OSBPL10: variants seen among roughly 807,000 people sequenced by gnomAD.
The protein encoded by OSBPL10 is oxysterol binding protein like 10, also known as oxysterol-binding protein-related protein 10.
OSBPL10 carries 49 observed loss-of-function variants against 81.7 expected under a neutral mutation model. That is an observed-to-expected ratio of 0.60 (90% CI 0.48 to 0.76). The LOEUF is 0.76. Ranked by LOEUF, OSBPL10 falls within the 30% of genes least tolerant of loss-of-function variation. OSBPL10 has a pLI of 0.00. For missense variants in OSBPL10, 923 were observed against 987.8 expected (o/e 0.93, Z 0.88); for synonymous variants, 419 against 383.6 (o/e 1.09, Z -1.08).
chr3:31,903,162 C>G (rs983481378), intron 1 of OSBPL10, among the ~76,000 whole-genome samples: 3 of 152,116 alleles, frequency 2.0e-5, no homozygotes, highest in African/African-American at 7.2e-5. Context: ...AAGCACTATT[C>G]TAGGTGCCAG....
intron 4 of OSBPL10, among the ~76,000 whole-genome samples, chr3:31,785,685 C>T (rs1268805882): frequency 6.6e-6 from 1 of 152,100 alleles, no homozygotes; most frequent in Non-Finnish European, 1.5e-5. Flanking sequence ...ACTAGATTGC[C>T]TCGGCATGTT....
intron 1 of OSBPL10, among the ~76,000 whole-genome samples, chr3:31,893,371 A>G (rs2125662622): frequency 1.3e-5 from 2 of 152,350 alleles, no homozygotes; most frequent in Middle Eastern, 6.8e-3. Context: ...ATGAGATTCC[A>G]GTTCACACCC....
chr3:31,931,722 A>G (rs1223416415), intron 1 of OSBPL10, among the ~76,000 whole-genome samples: 1 of 152,262 alleles, frequency 6.6e-6, no homozygotes, highest in Non-Finnish European at 1.5e-5. Context: ...TGTCTTGCAC[A>G]TAGTAAGTAC....
intron 1 of OSBPL10, among the ~76,000 whole-genome samples, chr3:32,076,385 C>G (rs1444159502): frequency 6.6e-6 from 1 of 151,732 alleles, no homozygotes; most frequent in Non-Finnish European, 1.5e-5. Flanking sequence ...AAAAAAGAAT[C>G]CCACCACCCT....
intron 4 of OSBPL10, among the ~76,000 whole-genome samples, chr3:31,783,838 A>G (rs1228937767): frequency 3.6e-5 from 4 of 110,500 alleles, no homozygotes; most frequent in Non-Finnish European, 7.0e-5. Context: ...ATATATATAT[A>G]TATATATATA....
intron 1 of OSBPL10, among the ~76,000 whole-genome samples, chr3:31,882,717 C>G (rs1695619265): frequency 6.6e-6 from 1 of 152,144 alleles, no homozygotes; most frequent in Non-Finnish European, 1.5e-5. Context: ...TACAGCACAA[C>G]TTGGGAGAGC....
chr3:31,709,273 A>C (rs758700958), intron 6 of OSBPL10: 106 of 152,810 alleles, frequency 6.9e-4, no homozygotes, highest in Non-Finnish European at 1.2e-3. Context: ...ATACACACAC[A>C]TTTACCACAC....
chr3:31,779,073 C>T (rs1698619702), intron 4 of OSBPL10, among the ~76,000 whole-genome samples: 1 of 151,968 alleles, frequency 6.6e-6, no homozygotes, highest in Non-Finnish European at 1.5e-5. Flanking sequence ...AGGAGTTCTA[C>T]CTCTTAAAAC....
chr3:31,747,838 G>A (rs1575518528), intron 5 of OSBPL10, 72 bp downstream of exon 5: 3 of 1,449,654 alleles, frequency 2.1e-6, no homozygotes, highest in Non-Finnish European at 2.9e-6. Flanking sequence ...GGAATTAAAG[G>A]AGGAAGACAG....
intron 2 of OSBPL10, among the ~76,000 whole-genome samples, chr3:32,012,149 A>G (rs1430891863): frequency 6.6e-6 from 1 of 152,212 alleles, no homozygotes; most frequent in Non-Finnish European, 1.5e-5. Context: ...TGTCAGATTC[A>G]CCAAAGTTGA....
At chr3:31,685,032 C>T (rs1395706124) in intron 7 of OSBPL10, among the ~76,000 whole-genome samples, 1 of 152,114 alleles carries the variant, frequency 6.6e-6, no homozygotes, top group African/African-American at 2.4e-5. Flanking sequence ...ACCCCAAATG[C>T]CTGTAACCCA....
chr3:31,900,678 T>G lies in OSBPL10; in HGVS notation c.282-20848A>C, dbSNP rs561330403. On this transcript the variant is annotated intron_variant, in intron 1 of 11. Transcript: ENST00000396556. ...TTTGTACTTTTGCCATTCCACTGAT[T>G]GCATCAATGTTAGATTTTCAATTCA... Among the ~76,000 whole-genome samples the G allele has an allele frequency of 2.0e-5, 3 of 152,354 alleles. No individual in the cohort carries two copies. The South Asian group carries it at 6.2e-4, about 32-fold the overall frequency.
intron 8 of OSBPL10, among the ~76,000 whole-genome samples, chr3:31,677,984 G>A (rs1700525392): frequency 1.3e-5 from 2 of 150,530 alleles, no homozygotes; most frequent in Non-Finnish European, 2.9e-5. Flanking sequence ...GGGAGGCTGA[G>A]GCAGGAGAAT....
At chr3:32,058,579 G>A (rs147187561) in intron 1 of OSBPL10, among the ~76,000 whole-genome samples, 3,140 of 152,134 alleles carry the variant, frequency 0.021, 46 homozygotes, top group Middle Eastern at 0.061. Flanking sequence ...CGCCCACCTC[G>A]GCCTCCCAAA....
intron 5 of OSBPL10, among the ~76,000 whole-genome samples, chr3:31,738,016 A>C (rs1323533947): frequency 1.5e-5 from 2 of 136,866 alleles, no homozygotes; most frequent in Non-Finnish European, 3.2e-5. Flanking sequence ...AAAAAAAAGA[A>C]AGACAATACA....
chr3:31,853,330 TC>T (rs1170558156), intron 3 of OSBPL10, among the ~76,000 whole-genome samples: 2 of 152,088 alleles, frequency 1.3e-5, no homozygotes, highest in Non-Finnish European at 2.9e-5. Context: ...TCAGTGTAGT[TC>T]CTGATAACCT....
chr3:31,732,287 T>TTTATA (rs1205673412), intron 6 of OSBPL10, among the ~76,000 whole-genome samples: 1 of 148,942 alleles, frequency 6.7e-6, no homozygotes, highest in African/African-American at 2.6e-5. Flanking sequence ...TAATCTGACT[T>TTTATA]TATAAGAGTT....
At chr3:31,946,489 C>T (rs554451712) in intron 1 of OSBPL10, among the ~76,000 whole-genome samples, 1 of 151,706 alleles carries the variant, frequency 6.6e-6, no homozygotes, top group East Asian at 1.9e-4. Context: ...AAATATTAGG[C>T]TTCTATTGAA....
At chr3:31,961,856 TAATTAC>T in intron 1 of OSBPL10, among the ~76,000 whole-genome samples, 1 of 152,178 alleles carries the variant, frequency 6.6e-6, no homozygotes, top group Admixed American at 6.5e-5. Context: ...TAATTGCTAT[TAATTAC>T]ATTTAAATAA....
Sources: allele counts gnomAD v4.1 joint callset (sites outside exome capture counted in the v4.1 genomes callset), GRCh38; gene constraint gnomAD v4.1.1; transcripts MANE v1.5; gene names NCBI Gene and HGNC (gene_info 2026-07-23, HGNC 2026-07-21).